PLPP4: variants seen among roughly 807,000 people sequenced by gnomAD.
The protein encoded by PLPP4 is diacylglycerol pyrophosphate like 2.
In PLPP4, 20 loss-of-function variants were observed where a neutral mutation model predicts 32.2. That is an observed-to-expected ratio of 0.62 (90% CI 0.44 to 0.90). The LOEUF (loss-of-function observed/expected upper bound fraction) is 0.90. Among genes scored for constraint, PLPP4 ranks in the 40% least tolerant of loss-of-function variants. PLPP4 has a pLI of 0.00. For missense variants in PLPP4, 257 were observed against 353.1 expected (o/e 0.73, Z 2.18); for synonymous variants, 127 against 133.0 (o/e 0.95, Z 0.31).
At chr10:120,501,547 G>A (rs1845250108) in intron 1 of PLPP4, among the ~76,000 whole-genome samples, 1 of 152,208 alleles carries the variant, frequency 6.6e-6, no homozygotes, top group Non-Finnish European at 1.5e-5. Context: ...CTCAGAAAAT[G>A]TTAAATGACT....
At chr10:120,466,571 C>A (rs1186483615) in intron 1 of PLPP4, among the ~76,000 whole-genome samples, 1 of 152,102 alleles carries the variant, frequency 6.6e-6, no homozygotes, top group Non-Finnish European at 1.5e-5. Context: ...GCTTGGCAGA[C>A]TGGGGAGTTT....
intron 1 of PLPP4, among the ~76,000 whole-genome samples, chr10:120,466,762 ACT>A (rs34374433): frequency 0.71 from 107,529 of 151,334 alleles, 40,637 homozygotes; most frequent in East Asian, 0.92. Context: ...AAACGGGTAC[ACT>A]CTCTCACCTC....
chr10:120,523,955 C>T (rs1046992224), intron 5 of PLPP4, among the ~76,000 whole-genome samples: 1 of 152,162 alleles, frequency 6.6e-6, no homozygotes, highest in African/African-American at 2.4e-5. Context: ...AGATGCGCAC[C>T]CTCCCCTCCA....
chr10:120,493,578 C>T (rs1844816347), intron 1 of PLPP4, among the ~76,000 whole-genome samples: 1 of 152,224 alleles, frequency 6.6e-6, no homozygotes, highest in Non-Finnish European at 1.5e-5. Context: ...CCGCTGCCTT[C>T]CATGCCCTGG....
At chr10:120,552,799 T>G (rs1220919011) in intron 5 of PLPP4, among the ~76,000 whole-genome samples, 1 of 152,222 alleles carries the variant, frequency 6.6e-6, no homozygotes, top group Non-Finnish European at 1.5e-5. Flanking sequence ...TATCAGTGAT[T>G]AGAGACAGGC....
intron 3 of PLPP4, among the ~76,000 whole-genome samples, chr10:120,516,070 A>G (rs970444911): frequency 6.6e-6 from 1 of 152,178 alleles, no homozygotes; most frequent in Non-Finnish European, 1.5e-5. Flanking sequence ...TGTTTGCCTA[A>G]ATAAATGAGA....
intron 1 of PLPP4, among the ~76,000 whole-genome samples, chr10:120,485,810 G>A (rs2133826410): frequency 6.6e-6 from 1 of 152,342 alleles, no homozygotes; most frequent in South Asian, 2.1e-4. Context: ...ATCTCTCCTT[G>A]TAAGGTGACT....
chr10:120,499,289 A>G (rs1409556), intron 1 of PLPP4, among the ~76,000 whole-genome samples: 70,627 of 151,732 alleles, frequency 0.47, 16,689 homozygotes, highest in East Asian at 0.58. Flanking sequence ...TTTGTTTTCT[A>G]TATTTTTTTC....
intron 5 of PLPP4, among the ~76,000 whole-genome samples, chr10:120,531,294 C>T (rs1267504060): frequency 4.6e-5 from 7 of 151,746 alleles, no homozygotes; most frequent in Non-Finnish European, 8.8e-5. Context: ...TTAGTAGAGA[C>T]GGGGATTCAC....
At position 120,565,315 on chromosome 10, in the gene PLPP4, GGTGTGTGTGTGTGT is replaced by G. The variant is rs58655566; in HGVS notation, c.446-9782_446-9769del. ...TACATTTCCTTTGATTTGTTTGTGT[GGTGTGTGTGTGTGT>G]GTGTGTGTGTGTGTGTGTGTGTGTG... On this transcript the variant is annotated intron_variant, in intron 5 of 6. Coordinates refer to ENST00000398250, the MANE Select transcript of PLPP4 (RefSeq NM_001030059.3). Among the ~76,000 whole-genome samples the G allele has an allele frequency of 2.5e-3, 356 of 142,702 alleles. 5 individuals are homozygous for G. Among genetic ancestry groups the G allele is most frequent in the East Asian group, 0.021 (102 of 4,860 alleles). The allele number at this position is 142,702 out of a possible 152,430, so 93.6% of individuals were successfully genotyped here.
At chr10:120,583,016 C>A (rs1045574163) in intron 6 of PLPP4, among the ~76,000 whole-genome samples, 14 of 151,878 alleles carry the variant, frequency 9.2e-5, no homozygotes, top group Non-Finnish European at 1.9e-4. Context: ...GTAGCAGAAT[C>A]ACTGGAAAGA....
intron 1 of PLPP4, among the ~76,000 whole-genome samples, chr10:120,474,938 A>G (rs950631201): frequency 1.3e-5 from 2 of 152,214 alleles, no homozygotes; most frequent in Non-Finnish European, 2.9e-5. Flanking sequence ...CCAGCGTCAC[A>G]TTGTTAATAA....
In PLPP4 at chr10:120,477,863, A is replaced by G. The variant is rs7069317; in HGVS notation, c.56+20502A>G. On this transcript the variant is annotated intron_variant, in intron 1 of 6. Transcript: ENST00000398250. Reference sequence around the variant, plus strand: ...CCTACTGGAGGAACGGGCTGTCCCCATGGGAATCTCCTGGGCCTGAGTACA... The same window carrying G: ...CCTACTGGAGGAACGGGCTGTCCCCGTGGGAATCTCCTGGGCCTGAGTACA... 8.9e-3 allele frequency among the ~76,000 whole-genome samples: 1,362 copies of G among 152,336 alleles called. 23 individuals carry two copies. Among genetic ancestry groups the G allele is most frequent in the African/African-American group, 0.031 (1,293 of 41,580 alleles).
At chr10:120,473,348 T>C (rs1848598769) in intron 1 of PLPP4, among the ~76,000 whole-genome samples, 1 of 152,164 alleles carries the variant, frequency 6.6e-6, no homozygotes, top group Non-Finnish European at 1.5e-5. Flanking sequence ...GGGACATGGT[T>C]TTTACTCCTA....
chr10:120,535,193 G>A (rs1486806213), intron 5 of PLPP4, among the ~76,000 whole-genome samples: 3 of 152,130 alleles, frequency 2.0e-5, no homozygotes, highest in Non-Finnish European at 4.4e-5. Flanking sequence ...TTATTATTAT[G>A]TCCAAGCATT....
chr10:120,482,343 A>C (rs1844244291), intron 1 of PLPP4, among the ~76,000 whole-genome samples: 1 of 152,222 alleles, frequency 6.6e-6, no homozygotes. Context: ...AGGTGGTCTC[A>C]GATGGAGATG....
At chr10:120,560,880 A>G (rs1482005037) in intron 5 of PLPP4, among the ~76,000 whole-genome samples, 3 of 152,152 alleles carry the variant, frequency 2.0e-5, no homozygotes, top group South Asian at 4.1e-4. Context: ...CTTCTGGTCA[A>G]CAAGTAGGCT....
At chr10:120,540,913 G>A (rs1847309716) in intron 5 of PLPP4, among the ~76,000 whole-genome samples, 1 of 152,204 alleles carries the variant, frequency 6.6e-6, no homozygotes. Context: ...GTGCAGGAGA[G>A]GGAGGTGAGT....
chr10:120,544,978 G>A (rs1847543926), intron 5 of PLPP4, among the ~76,000 whole-genome samples: 1 of 152,232 alleles, frequency 6.6e-6, no homozygotes, highest in South Asian at 2.1e-4. Context: ...TTCTCCCTGA[G>A]CGTTTGGTTT....
Sources: allele counts gnomAD v4.1 joint callset (sites outside exome capture counted in the v4.1 genomes callset), GRCh38; gene constraint gnomAD v4.1.1; transcripts MANE v1.5; gene names NCBI Gene and HGNC (gene_info 2026-07-23, HGNC 2026-07-21).